ATP11A: variants seen among roughly 807,000 people sequenced by gnomAD.
ATP11A encodes phospholipid-transporting ATPase IH.
In ATP11A, 81 loss-of-function variants were observed where a neutral mutation model predicts 154.4. The observed-to-expected ratio is 0.52, with a 90% confidence interval of 0.44 to 0.63. ATP11A has a LOEUF of 0.63. Among genes scored for constraint, ATP11A ranks in the 30% least tolerant of loss-of-function variants. ATP11A has a pLI of 0.00. For missense variants in ATP11A, 1,316 were observed against 1,474.3 expected (o/e 0.89, Z 1.76); for synonymous variants, 623 against 585.9 (o/e 1.06, Z -0.91).
At chr13:112,856,145 C>T (rs1453547949) in intron 20 of ATP11A, 60 bp downstream of exon 20, 5 of 1,515,148 alleles carry the variant, frequency 3.3e-6, no homozygotes, top group Non-Finnish European at 4.5e-6. Context: ...TGAAAACCTT[C>T]CGTTAGGTCT....
chr13:112,883,258 G>T lies in ATP11A; in HGVS notation c.*1392G>T. ...GGGTTAGCAACCCCAGGGCTGCTGT[G>T]ATAGGAAGTCCCTGTTGTTCTCCGT... On this transcript the variant is annotated 3_prime_UTR_variant, in exon 30 of 30. Coordinates refer to ENST00000375645, the MANE Select transcript of ATP11A (RefSeq NM_015205.3). The T allele has an allele frequency of 5.0e-6, 2 of 398,714 alleles. No homozygotes were observed. The highest frequency in any genetic ancestry group is 3.6e-5 in the East Asian group (1 of 28,074). 24.7% of individuals were successfully genotyped at this position (398,714 alleles called of 1,614,324 possible). A position where few individuals can be genotyped will look rare whatever the true frequency, so the allele number is the denominator to read the frequency against.
chr13:112,835,990 C>T (rs374070255), intron 15 of ATP11A, among the ~76,000 whole-genome samples, 188 bp from the exon 16 acceptor site: 20 of 152,322 alleles, frequency 1.3e-4, no homozygotes, highest in South Asian at 4.1e-4. Context: ...ACACCTGCTG[C>T]GTCCTTCAAA....
rs550169707 is a variant in ATP11A at position 112,875,657 on chromosome 13, C to T, written c.3162-119C>T. The T allele has an allele frequency of 1.9e-4, 219 of 1,177,630 alleles. No homozygotes were observed. In the African/African-American group the frequency reaches 2.5e-3, roughly 14 times the overall value. 72.9% of individuals were successfully genotyped at this position (1,177,630 alleles called of 1,614,324 possible). A position where few individuals can be genotyped will look rare whatever the true frequency, so the allele number is the denominator to read the frequency against. On this transcript the variant is annotated intron_variant, in intron 27 of 29. Coordinates refer to ENST00000375645, the MANE Select transcript of ATP11A (RefSeq NM_015205.3). This position sits in a 1 kb window ranked among gnomAD's most constrained non-coding sequence, Gnocchi z 4.1. The stretch of plus-strand genomic sequence containing the variant: ...ATTCAGAGCAGGCTCCGTGGCTTGC[C>T]AAGCAACTCTCACTGACAAAAGTGT...
In ATP11A at chr13:112,694,289, A is replaced by T. The variant is rs78178497; in HGVS notation, c.39+3834A>T. Among the ~76,000 whole-genome samples, 980 of 152,256 alleles carry T rather than the reference A, an allele frequency of 6.4e-3. 9 individuals carry two copies. The highest frequency in any genetic ancestry group is 0.023 in the African/African-American group (945 of 41,550). On this transcript the variant is annotated intron_variant, in intron 1 of 29. Coordinates refer to ENST00000375645, the MANE Select transcript of ATP11A (RefSeq NM_015205.3). ...CTGGGTGGAGAGCCAAGAATGGGGA[A>T]GCTCTCAGTCCGTTTGTCATGCCTG...
Position 112,716,059 on chromosome 13 carries a change from G to C in ATP11A, c.39+25604G>C, listed in dbSNP as rs545368741. On this transcript the variant is annotated intron_variant, in intron 1 of 29. Transcript: ENST00000375645. Reference sequence around the variant, plus strand: ...TGGGGGTGGCTCCTGCCTGGACTTTGAGAATTGGAGAGGCTTGGAGCTCAT... The same window carrying C: ...TGGGGGTGGCTCCTGCCTGGACTTTCAGAATTGGAGAGGCTTGGAGCTCAT... 2.0e-5 allele frequency among the ~76,000 whole-genome samples: 3 copies of C among 151,964 alleles called. No homozygotes were observed. In the East Asian group the frequency reaches 5.9e-4, roughly 30 times the overall value.
chr13:112,702,901 C>T (rs1886739347), intron 1 of ATP11A, among the ~76,000 whole-genome samples: 1 of 152,174 alleles, frequency 6.6e-6, no homozygotes, highest in Non-Finnish European at 1.5e-5. Flanking sequence ...AACACACAGG[C>T]TTGATGATTG....
intron 29 of ATP11A, among the ~76,000 whole-genome samples, chr13:112,879,456 AG>A (rs2080821319): frequency 6.6e-6 from 1 of 152,232 alleles, no homozygotes; most frequent in African/African-American, 2.4e-5. Context: ...ATGACTCATA[AG>A]AGGTCCTTAA....
rs1566604633 is a variant in ATP11A, at chr13:112,875,485, GTTT to G, written c.3162-287_3162-285del. ...CCCTATTTCAATCCCTTTGTGTTTT[GTTT>G]TTTGTTTTTTTTTTTTTTGCTTCTG... On this transcript the variant is annotated intron_variant, in intron 27 of 29. Coordinates refer to ENST00000375645, the MANE Select transcript of ATP11A (RefSeq NM_015205.3). The surrounding 1 kb of genome is among the most constrained non-coding windows in gnomAD (Gnocchi z 4.1). Among the ~76,000 whole-genome samples the G allele has an allele frequency of 1.2e-3, 97 of 80,094 alleles. No individual in the cohort carries two copies. The highest frequency in any genetic ancestry group is 4.4e-3 in the African/African-American group (93 of 21,272). 52.5% of individuals were successfully genotyped at this position (80,094 alleles called of 152,430 possible). A position where few individuals can be genotyped will look rare whatever the true frequency, so the allele number is the denominator to read the frequency against.
chr13:112,789,834 G>T (rs2140066275), intron 2 of ATP11A, among the ~76,000 whole-genome samples: 1 of 140,412 alleles, frequency 7.1e-6, no homozygotes, highest in Middle Eastern at 5.1e-3. Flanking sequence ...GTCCTGACGT[G>T]TAGTAGACCC....
chr13:112,826,589 A>T (rs2078940034), intron 11 of ATP11A, 105 bp from the exon 12 acceptor site: 9 of 894,432 alleles, frequency 1.0e-5, no homozygotes, highest in Non-Finnish European at 1.7e-5. Flanking sequence ...ATTTAGTAGT[A>T]GCGCTCGTAT....
rs574135150 is a variant in ATP11A at position 112,765,860 on chromosome 13, C to G, written c.40-19275C>G. On this transcript the variant is annotated intron_variant, in intron 1 of 29. Transcript: ENST00000375645. ...CAAACGATTTTCTGTAACGACCTCC[C>G]GTAAAGCAGCCACTCCCCTCACAGC... 2.0e-5 allele frequency among the ~76,000 whole-genome samples: 3 copies of G among 152,376 alleles called. No individual in the cohort carries two copies. The South Asian group carries it at 6.2e-4, about 32-fold the overall frequency.
Position 112,754,163 on chromosome 13 carries a change from T to G in ATP11A, c.40-30972T>G, listed in dbSNP as rs550295878. Among the ~76,000 whole-genome samples the G allele has an allele frequency of 6.6e-6, 1 of 152,250 alleles. No homozygotes were observed. The highest frequency in any genetic ancestry group is 2.4e-5 in the African/African-American group (1 of 41,554). ...AGCCACGGTCCCTGCTGCTGAGATG[T>G]GAGAAAGGCCTGCGCTGGGGTCTGG... is the stretch of plus-strand genomic sequence containing the variant. On this transcript the variant is annotated intron_variant, in intron 1 of 29. Coordinates refer to ENST00000375645, the MANE Select transcript of ATP11A (RefSeq NM_015205.3). This position sits in a 1 kb window ranked among gnomAD's most constrained non-coding sequence, Gnocchi z 5.3.
At chr13:112,848,756 C>T (rs1241203636) in intron 17 of ATP11A, among the ~76,000 whole-genome samples, 2 of 152,212 alleles carry the variant, frequency 1.3e-5, no homozygotes, top group Admixed American at 6.5e-5. Flanking sequence ...GGCACGATCT[C>T]GGCTCACTGC....
intron 6 of ATP11A, among the ~76,000 whole-genome samples, chr13:112,818,676 G>A (rs1440355370): frequency 1.3e-5 from 2 of 152,222 alleles, no homozygotes; most frequent in African/African-American, 4.8e-5. Flanking sequence ...TGTTCTGAGA[G>A]CAGCAGCATC....
chr13:112,740,857 G>A (rs543518150), intron 1 of ATP11A, among the ~76,000 whole-genome samples: 128 of 152,324 alleles, frequency 8.4e-4, no homozygotes, highest in African/African-American at 2.7e-3. Context: ...TCAGGGTCCC[G>A]GGTCGTTGAC....
At chr13:112,843,352 C>T (rs2079482554) in intron 17 of ATP11A, among the ~76,000 whole-genome samples, 2 of 152,208 alleles carry the variant, frequency 1.3e-5, no homozygotes, top group African/African-American at 4.8e-5. Flanking sequence ...GACGCGCTCC[C>T]TCTGCTCCCC....
Position 112,874,230 on chromosome 13 carries a change from C to T in ATP11A, c.3161+554C>T, listed in dbSNP as rs546809393. 2.6e-5 allele frequency among the ~76,000 whole-genome samples: 4 copies of T among 152,286 alleles called. No individual in the cohort carries two copies. In the South Asian group the frequency reaches 8.3e-4, roughly 32 times the overall value. ...GGGGAGAGCAGCAGGCACGCAGGCCCGGGCGGGAGGAGGTCCTCCGTGAGT... is the reference window on the plus strand; with the variant it reads ...GGGGAGAGCAGCAGGCACGCAGGCCTGGGCGGGAGGAGGTCCTCCGTGAGT... On this transcript the variant is annotated intron_variant, in intron 27 of 29. Coordinates refer to ENST00000375645, the MANE Select transcript of ATP11A (RefSeq NM_015205.3).
At chr13:112,822,102 A>G (rs970624766) in intron 8 of ATP11A, among the ~76,000 whole-genome samples, 2 of 152,230 alleles carry the variant, frequency 1.3e-5, no homozygotes, top group African/African-American at 2.4e-5. Context: ...TTAATTTTCC[A>G]TGATAGAAGG....
chr13:112,819,396 C>T lies in ATP11A; in HGVS notation c.663C>T (p.Pro221=), dbSNP rs747735763. ...HATIECEQPQ[P]DLYKFVGRIN... Reference sequence around the variant, plus strand: ...CCATCGAGTGTGAGCAGCCCCAGCCCGACCTCTACAAGTAAGCGGGAGCTT... The same window carrying T: ...CCATCGAGTGTGAGCAGCCCCAGCCTGACCTCTACAAGTAAGCGGGAGCTT... The change falls in exon 7 of 30, where the codon CCC becomes CCT. Residue 221 remains proline (P), a synonymous_variant. Coordinates refer to ENST00000375645, the MANE Select transcript of ATP11A (RefSeq NM_015205.3). 3.1e-6 allele frequency: 5 copies of T among 1,614,178 alleles called. No homozygotes were observed. The highest frequency in any genetic ancestry group is 1.6e-4 in the Middle Eastern group (1 of 6,062).
Sources: allele counts gnomAD v4.1 joint callset (sites outside exome capture counted in the v4.1 genomes callset), GRCh38; gene constraint gnomAD v4.1.1; non-coding constraint Gnocchi (gnomAD v3.1); transcripts MANE v1.5; gene names NCBI Gene and HGNC (gene_info 2026-07-23, HGNC 2026-07-21).